CCDC191: variants seen among roughly 807,000 people sequenced by gnomAD.
The protein encoded by CCDC191 is coiled-coil domain-containing protein 191.
In CCDC191, 99 loss-of-function variants were observed where a neutral mutation model predicts 114.0. That is an observed-to-expected ratio of 0.87 (90% confidence interval 0.74 to 1.03). CCDC191 has a LOEUF of 1.03. CCDC191 is among the 50% of genes least tolerant of loss of function. The pLI is 0.00. For missense variants in CCDC191, 973 were observed against 1,087.0 expected (o/e 0.90, Z 1.47); for synonymous variants, 351 against 376.0 (o/e 0.93, Z 0.77).
intron 3 of CCDC191, 98 bp from the exon 4 acceptor site, chr3:114,042,944 ATCGTG>A: frequency 1.7e-6 from 2 of 1,157,478 alleles, no homozygotes. Context: ...TTGAGTACCT[ATCGTG>A]TCAAGTACTG....
intron 2 of CCDC191, among the ~76,000 whole-genome samples, chr3:114,049,143 G>A (rs56717033): frequency 0.011 from 1,667 of 152,284 alleles, 27 homozygotes; most frequent in African/African-American, 0.038. Context: ...AGAACATACA[G>A]GCAAAGACAT....
In CCDC191 at chr3:114,035,056, A is replaced by G. The variant is rs1301046050; in HGVS notation, c.687T>C (p.Cys229=). The part of the protein sequence containing the change: ...LKKSAFLEAQ[C]LVQEEKKRKA... ...TCCTTTTCTTCTCTTCTTGCACCAG[A>G]CACTGAGCCTCCAAGAAGGCCGATT... The change falls in exon 6 of 17, where the codon TGT becomes TGC. Residue 229 remains cysteine (C), a synonymous_variant. Coordinates refer to ENST00000295878, the MANE Select transcript of CCDC191 (RefSeq NM_020817.2). 2 of 1,613,892 alleles carry G rather than the reference A, an allele frequency of 1.2e-6. No individual in the cohort carries two copies. The highest frequency in any genetic ancestry group is 1.7e-5 in the Admixed American group (1 of 59,992).
chr3:113,982,025 A>C (rs1308598111), intron 13 of CCDC191, among the ~76,000 whole-genome samples: 2 of 152,208 alleles, frequency 1.3e-5, no homozygotes, highest in Admixed American at 1.3e-4. Flanking sequence ...TCAGTGTAGC[A>C]TTAAGGCAGC....
intron 13 of CCDC191, among the ~76,000 whole-genome samples, chr3:113,983,301 C>T (rs1314098562): frequency 1.3e-5 from 2 of 152,142 alleles, no homozygotes; most frequent in Non-Finnish European, 2.9e-5. Context: ...CTTGGACTCT[C>T]ATTTCTACTC....
chr3:114,025,259 CAA>C (rs111848172), intron 7 of CCDC191, among the ~76,000 whole-genome samples: 1 of 104,666 alleles, frequency 9.6e-6, no homozygotes, highest in Admixed American at 9.7e-5. Flanking sequence ...TTCAACTTAC[CAA>C]AAAAAAAAAA....
intron 6 of CCDC191, among the ~76,000 whole-genome samples, chr3:114,032,798 T>G (rs1047290469): frequency 6.6e-6 from 1 of 152,212 alleles, no homozygotes; most frequent in Non-Finnish European, 1.5e-5. Flanking sequence ...AATAAGCATC[T>G]TGAAAGAGAT....
intron 4 of CCDC191, among the ~76,000 whole-genome samples, chr3:114,037,484 T>G (rs1374122585): frequency 6.6e-6 from 1 of 152,244 alleles, no homozygotes; most frequent in Non-Finnish European, 1.5e-5. Flanking sequence ...TATCAATAGT[T>G]TATCACTTTC....
rs193208498 is a variant in CCDC191 at position 113,989,151 on chromosome 3, G to A, written c.2164-8358C>T. 2.0e-5 allele frequency among the ~76,000 whole-genome samples: 3 copies of A among 152,222 alleles called. No individual in the cohort carries two copies. The East Asian group carries it at 5.8e-4, about 29-fold the overall frequency. ...AAGAACAAACCTTCAAAGTACATGA[G>A]GCAAAACCAGATAGATATGAAAGGA... On this transcript the variant is annotated intron_variant, in intron 13 of 16. Transcript: ENST00000295878.
At chr3:113,978,739 G>T in intron 15 of CCDC191, 119 bp downstream of exon 15, 1 of 1,028,102 alleles carries the variant, frequency 9.7e-7, no homozygotes, top group Non-Finnish European at 1.4e-6. Flanking sequence ...GAATGGGATT[G>T]ACTACTCTTT....
intron 16 of CCDC191, 158 bp from the exon 17 acceptor site, chr3:113,965,517 G>A (rs1031090580): frequency 6.8e-5 from 28 of 413,140 alleles, no homozygotes; most frequent in African/African-American, 5.3e-4. Context: ...GTGAAATGCT[G>A]TGAAAAAAAT....
intron 14 of CCDC191, 106 bp from the exon 15 acceptor site, chr3:113,979,116 T>G (rs1352999801): frequency 4.1e-5 from 42 of 1,029,606 alleles, no homozygotes; most frequent in Non-Finnish European, 5.8e-5. Flanking sequence ...AGGCAGTCGG[T>G]AGAGAATAAT....
At position 113,978,344 on chromosome 3, in the gene CCDC191, A is replaced by G; in HGVS notation, c.2461-13T>C. 1 of 1,612,880 alleles carries G rather than the reference A, an allele frequency of 6.2e-7. No individual in the cohort carries two copies. The highest frequency in any genetic ancestry group is 1.7e-5 in the Admixed American group (1 of 59,894). On this transcript the variant is annotated splice_polypyrimidine_tract_variant and intron_variant, in intron 15 of 16. Coordinates refer to ENST00000295878, the MANE Select transcript of CCDC191 (RefSeq NM_020817.2). ...GATCAATCACGTACTGGGGATGAAG[A>G]CAGAAATAAAAGTGAGACAAAAAAT...
chr3:113,971,670 G>A (rs1473119386), intron 16 of CCDC191, among the ~76,000 whole-genome samples: 1 of 152,066 alleles, frequency 6.6e-6, no homozygotes. Flanking sequence ...TTTGGTATCA[G>A]GCTAATGCTG....
chr3:114,043,041 G>C (rs2107749158), intron 3 of CCDC191, among the ~76,000 whole-genome samples, 195 bp from the exon 4 acceptor site: 1 of 152,260 alleles, frequency 6.6e-6, no homozygotes, highest in Middle Eastern at 3.4e-3. Flanking sequence ...AATTGGGGAA[G>C]AGAGACAATA....
chr3:113,980,355 T>C (rs1156564104), intron 14 of CCDC191, among the ~76,000 whole-genome samples: 1 of 152,208 alleles, frequency 6.6e-6, no homozygotes, highest in Non-Finnish European at 1.5e-5. Context: ...ATGTACCTTA[T>C]GGTAATAACT....
At chr3:114,048,855 C>G (rs572247452) in intron 2 of CCDC191, among the ~76,000 whole-genome samples, 1 of 152,208 alleles carries the variant, frequency 6.6e-6, no homozygotes, top group Non-Finnish European at 1.5e-5. Context: ...GTGCTTGGCA[C>G]TCAACAGGTG....
chr3:113,985,764 C>A (rs1040944760), intron 13 of CCDC191, among the ~76,000 whole-genome samples: 1 of 152,190 alleles, frequency 6.6e-6, no homozygotes, highest in Non-Finnish European at 1.5e-5. Flanking sequence ...TCTCTGATGT[C>A]TACAGCATAC....
At chr3:114,033,572 A>G (rs2076439390) in intron 6 of CCDC191, among the ~76,000 whole-genome samples, 1 of 152,184 alleles carries the variant, frequency 6.6e-6, no homozygotes, top group Admixed American at 6.5e-5. Context: ...CACTGTAACC[A>G]TGGATAAGAT....
rs1391875648 is a variant in CCDC191 at position 114,002,528 on chromosome 3, C to G, written c.1989G>C (p.Glu663Asp). ...TACATTCAGCTCGTTGAATTGCTCT[C>G]TCTTCCATAGCTAGAAAATAGTAAC... ...TPHPILKAME[E>D]RAIQRAECRR... Residue 663 changes from glutamate (E) to aspartate (D), a missense_variant, in exon 12 of 17, where the codon GAG becomes GAC. Glu to Asp is a conservative substitution (Grantham distance 45). Coordinates refer to ENST00000295878, the MANE Select transcript of CCDC191 (RefSeq NM_020817.2). The G allele has an allele frequency of 1.2e-6, 2 of 1,608,796 alleles. No homozygotes were observed. Among genetic ancestry groups the G allele is most frequent in the Non-Finnish European group, 1.7e-6 (2 of 1,177,804 alleles).
Sources: gnomAD v4.1 joint callset for allele counts (sites outside exome capture counted in the v4.1 genomes callset) on GRCh38, gnomAD v4.1.1 for gene constraint, MANE v1.5 for transcripts, NCBI Gene and HGNC (gene_info 2026-07-23, HGNC 2026-07-21) for gene names.